Variants in PRICKLE2 observed in about 807,000 individuals in gnomAD.
PRICKLE2 encodes the protein prickle-like protein 2.
A neutral mutation model predicts 81.4 loss-of-function variants in PRICKLE2; 21 were observed. That is an observed-to-expected ratio of 0.26 (90% CI 0.18 to 0.37). The LOEUF (loss-of-function observed/expected upper bound fraction) is 0.37. Ranked by LOEUF, PRICKLE2 falls within the 10% of genes least tolerant of loss-of-function variation. The probability of loss-of-function intolerance (pLI) is 1.00; values close to 1 mark genes in which losing one functional copy is unlikely to be tolerated. For missense variants in PRICKLE2, 940 were observed against 1,109.0 expected, an observed-to-expected ratio of 0.85 and a Z score of 2.16; for synonymous variants, 456 against 421.5, an observed-to-expected ratio of 1.08 and a Z score of -1.00.
intron 2 of PRICKLE2, among the ~76,000 whole-genome samples, chr3:64,166,992 G>C (rs913164748): frequency 6.6e-6 from 1 of 152,200 alleles, no homozygotes; most frequent in South Asian, 2.1e-4. Flanking sequence ...TCTTTGGCTG[G>C]ATACAGGAAT....
Position 64,193,458 on chromosome 3 carries a change from G to A in PRICKLE2, c.144+5326C>T, listed in dbSNP as rs187905644. Among the ~76,000 whole-genome samples the A allele has an allele frequency of 3.3e-5, 5 of 152,186 alleles. No homozygotes were observed. The East Asian group carries it at 9.6e-4, about 29-fold the overall frequency. Reference sequence around the variant, plus strand: ...TAGAACCTACCAATAGAAAACTATCGAACCATTACAAAGGATAATCCAGAT... The same window carrying A: ...TAGAACCTACCAATAGAAAACTATCAAACCATTACAAAGGATAATCCAGAT... On this transcript the variant is annotated intron_variant, in intron 2 of 7. Transcript: ENST00000638394.
At chr3:64,141,967 T>C (rs2077368751) in intron 7 of PRICKLE2, 1 of 983,316 alleles carries the variant, frequency 1.0e-6, no homozygotes, top group South Asian at 4.7e-5. Flanking sequence ...GATTTAAAGA[T>C]ATGCAGATAG....
chr3:64,163,249 T>C (rs1379209833), intron 2 of PRICKLE2, 120 bp from the exon 3 acceptor site: 3 of 757,654 alleles, frequency 4.0e-6, no homozygotes, highest in South Asian at 1.4e-5. Flanking sequence ...CCTGACTCTT[T>C]ATGAAAGTCA....
chr3:64,098,825 G>A lies in PRICKLE2; in HGVS notation c.*226C>T, dbSNP rs2076606348. On this transcript the variant is annotated 3_prime_UTR_variant, in exon 8 of 8. Transcript: ENST00000638394. ...GAAGTGACCAAGCCTGGCCTCGATAGAGTCTACTGTGTTTCCAAAGTGAAA... is the reference window on the plus strand; with the variant it reads ...GAAGTGACCAAGCCTGGCCTCGATAAAGTCTACTGTGTTTCCAAAGTGAAA... The A allele has an allele frequency of 1.4e-5, 8 of 575,092 alleles. No homozygotes were observed. The South Asian group carries it at 1.4e-4, about 10-fold the overall frequency. 35.6% of individuals were successfully genotyped at this position (575,092 alleles called of 1,614,324 possible).
chr3:64,221,973 G>C (rs1236690409), intron 1 of PRICKLE2, among the ~76,000 whole-genome samples: 3 of 152,152 alleles, frequency 2.0e-5, no homozygotes, highest in Non-Finnish European at 4.4e-5. Flanking sequence ...CAAATACCTT[G>C]TTGTTATTGA....
At chr3:64,105,937 A>G (rs36237) in intron 7 of PRICKLE2, 78,627 of 152,120 alleles carry the variant, frequency 0.52, 22,042 homozygotes, top group East Asian at 0.85. Flanking sequence ...GAGGAAAAAT[A>G]TATCTTTCCT....
chr3:64,160,999 A>G (rs1433423177), intron 3 of PRICKLE2, among the ~76,000 whole-genome samples: 4 of 152,170 alleles, frequency 2.6e-5, no homozygotes, highest in African/African-American at 9.7e-5. Flanking sequence ...AACCAGAAGA[A>G]ACCTAAATAG....
chr3:64,236,678 G>GA (rs1431394935), intron 2 of PRICKLE2, among the ~76,000 whole-genome samples: 1 of 152,144 alleles, frequency 6.6e-6, no homozygotes, highest in Non-Finnish European at 1.5e-5. Flanking sequence ...TGCTATAATG[G>GA]AACTCACCCT....
chr3:64,110,671 T>C (rs1224698005), intron 7 of PRICKLE2, among the ~76,000 whole-genome samples: 1 of 151,922 alleles, frequency 6.6e-6, no homozygotes, highest in African/African-American at 2.4e-5. Flanking sequence ...GGGAAAAGTG[T>C]TCCAGGCAGA....
At chr3:64,133,548 T>C (rs967129283) in intron 7 of PRICKLE2, among the ~76,000 whole-genome samples, 2 of 150,488 alleles carry the variant, frequency 1.3e-5, no homozygotes, top group African/African-American at 4.9e-5. Context: ...CTCTAAGCTG[T>C]GGCAAATGGG....
At chr3:64,182,879 G>T (rs564779799) in intron 2 of PRICKLE2, among the ~76,000 whole-genome samples, 1 of 151,662 alleles carries the variant, frequency 6.6e-6, no homozygotes, top group African/African-American at 2.4e-5. Context: ...AACTGGGAAG[G>T]CTTCATTAAA....
At chr3:64,180,458 C>G (rs1457121900) in intron 2 of PRICKLE2, among the ~76,000 whole-genome samples, 1 of 152,126 alleles carries the variant, frequency 6.6e-6, no homozygotes. Flanking sequence ...TCATTAACCA[C>G]TCACTTCCCA....
At chr3:64,198,466 G>A (rs1039052388) in intron 2 of PRICKLE2, among the ~76,000 whole-genome samples, 4 of 151,988 alleles carry the variant, frequency 2.6e-5, no homozygotes, top group African/African-American at 9.7e-5. Context: ...TGGTAGAGGA[G>A]AAAATTTGAA....
rs1174658230 is a variant in PRICKLE2 at position 64,098,499 on chromosome 3, T to C, written c.*552A>G. ...AAAAAAAAAAAAAAAAAAAAGGTGGTACCGGGCCACATTTCAATACTACTC... is the reference window on the plus strand; with the variant it reads ...AAAAAAAAAAAAAAAAAAAAGGTGGCACCGGGCCACATTTCAATACTACTC... On this transcript the variant is annotated 3_prime_UTR_variant, in exon 8 of 8. Coordinates refer to ENST00000638394, the MANE Select transcript of PRICKLE2 (RefSeq NM_198859.4). The C allele has an allele frequency of 1.4e-5, 2 of 141,764 alleles. No homozygotes were observed. Among genetic ancestry groups the C allele is most frequent in the Non-Finnish European group, 3.0e-5 (2 of 65,806 alleles). The allele number at this position is 141,764 out of a possible 1,614,324, so 8.8% of individuals were successfully genotyped here.
chr3:64,124,601 T>C (rs932807356), intron 7 of PRICKLE2, among the ~76,000 whole-genome samples: 1 of 146,870 alleles, frequency 6.8e-6, no homozygotes, highest in African/African-American at 2.4e-5. Context: ...CATTGACCAG[T>C]TCAAAAATCT....
In PRICKLE2 at chr3:64,147,653, A is replaced by G. The variant is rs1226884715; in HGVS notation, c.837T>C (p.Thr279=). Residue 279 remains threonine (T), a synonymous_variant, in exon 7 of 8, where the codon ACT becomes ACC. Coordinates refer to ENST00000638394, the MANE Select transcript of PRICKLE2 (RefSeq NM_198859.4). The surrounding 1 kb of genome is among the most constrained non-coding windows in gnomAD (Gnocchi z 5.0). ...MTYDGQHWHA[T]ETCFCCAHCK... ...AGTGAGCACAGCAGAAACAGGTCTC[A>G]GTGGCATGCCAGTGTTGGCCATCAT... The G allele has an allele frequency of 8.1e-6, 13 of 1,613,926 alleles. No individual in the cohort carries two copies. The highest frequency in any genetic ancestry group is 2.7e-5 in the African/African-American group (2 of 75,062).
intron 7 of PRICKLE2, among the ~76,000 whole-genome samples, chr3:64,111,294 A>G (rs1559513989): frequency 6.6e-6 from 1 of 152,248 alleles, no homozygotes; most frequent in Non-Finnish European, 1.5e-5. Context: ...TCACTTTTAA[A>G]GCACTTTTAC....
intron 6 of PRICKLE2, among the ~76,000 whole-genome samples, chr3:64,152,422 G>T (rs2077562386): frequency 6.6e-6 from 1 of 152,164 alleles, no homozygotes. Flanking sequence ...TTAAAGGGTT[G>T]AACAAATTGG....
intron 6 of PRICKLE2, among the ~76,000 whole-genome samples, chr3:64,149,244 G>A (rs968718500): frequency 1.3e-5 from 2 of 152,286 alleles, no homozygotes; most frequent in East Asian, 1.9e-4. Flanking sequence ...TCTTCAGGCC[G>A]TGAGCTTTGG....
Sources: allele counts gnomAD v4.1 joint callset (sites outside exome capture counted in the v4.1 genomes callset), GRCh38; gene constraint gnomAD v4.1.1; non-coding constraint Gnocchi (gnomAD v3.1); transcripts MANE v1.5; gene names NCBI Gene and HGNC (gene_info 2026-07-23, HGNC 2026-07-21).